Variants in DMXL1 observed in about 807,000 individuals in gnomAD.
The protein encoded by DMXL1 is dmX-like protein 1.
Under a neutral mutation model 319.2 loss-of-function variants are expected in DMXL1, and 99 were observed. That is an observed-to-expected ratio of 0.31 (90% confidence interval 0.26 to 0.37). The LOEUF (loss-of-function observed/expected upper bound fraction) is 0.37, where lower values mean the gene tolerates loss of function less well. Ranked by LOEUF, DMXL1 falls within the 10% of genes least tolerant of loss-of-function variation. The pLI is 1.00. For synonymous variants in DMXL1, 1,385 were observed against 1,235.2 expected (o/e 1.12, Z -2.54); for missense variants, 3,745 against 3,595.6 (o/e 1.04, Z -1.06).
At chr5:119,208,186 A>G (rs1782085401) in intron 34 of DMXL1, among the ~76,000 whole-genome samples, 2 of 146,554 alleles carry the variant, frequency 1.4e-5, no homozygotes, top group African/African-American at 2.5e-5. Context: ...ATGATTACTT[A>G]TTACTGTCTA....
chr5:119,155,831 A>C (rs1451235602), intron 19 of DMXL1, among the ~76,000 whole-genome samples: 2 of 151,700 alleles, frequency 1.3e-5, no homozygotes, highest in Admixed American at 6.6e-5. Context: ...TGTCTCAAAA[A>C]AAAAAAAAAA....
In DMXL1 at chr5:119,149,432, G is replaced by T. The variant is rs1769285366; in HGVS notation, c.3605G>T (p.Ser1202Ile). The change falls in exon 18 of 44, where the codon AGT becomes ATT. Residue 1202 changes from serine to isoleucine, a missense_variant. Transcript: ENST00000539542. ...VPLSKFVLLR[S>I]VDLVSSVDGS... ...CTTTCTAAATTTGTACTATTACGAA[G>T]TGTGGACCTAGTTTCTTCTGTAGAT... The T allele has an allele frequency of 6.8e-6, 11 of 1,613,942 alleles. No individual in the cohort carries two copies. In the East Asian group the frequency reaches 2.0e-4, roughly 29 times the overall value.
At chr5:119,231,585 C>T (rs752052116) in intron 38 of DMXL1, among the ~76,000 whole-genome samples, 1 of 152,112 alleles carries the variant, frequency 6.6e-6, no homozygotes, top group Non-Finnish European at 1.5e-5. Context: ...CCTTCATGTT[C>T]CTCTGCTGAG....
chr5:119,095,405 T>G (rs2149767930), intron 1 of DMXL1, among the ~76,000 whole-genome samples: 1 of 152,318 alleles, frequency 6.6e-6, no homozygotes, highest in South Asian at 2.1e-4. Context: ...ACTCTGCAAG[T>G]GTAATATTTG....
In DMXL1 at chr5:119,237,297, CTTTTAAATAT is replaced by C. The variant is rs1787935460; in HGVS notation, c.8467-21_8467-12del. 1 of 1,369,788 alleles carries C rather than the reference CTTTTAAATAT, an allele frequency of 7.3e-7. No individual in the cohort carries two copies. Among genetic ancestry groups the C allele is most frequent in the Non-Finnish European group, 1.0e-6 (1 of 971,386 alleles). 84.9% of individuals were successfully genotyped at this position (1,369,788 alleles called of 1,614,324 possible). ...TATGCTTTTATATTTATATTAAATA[CTTTTAAATAT>C]TTTCTTTCTCTAAGTTTGGAATAGT... On this transcript the variant is annotated splice_polypyrimidine_tract_variant and intron_variant, in intron 39 of 43. Transcript: ENST00000539542.
chr5:119,143,754 T>C lies in DMXL1; in HGVS notation c.2377-87T>C, dbSNP rs1490265966. 8.4e-6 allele frequency: 7 copies of C among 837,980 alleles called. No individual in the cohort carries two copies. In the African/African-American group the frequency reaches 1.3e-4, roughly 15 times the overall value. 51.9% of individuals were successfully genotyped at this position (837,980 alleles called of 1,614,324 possible). On this transcript the variant is annotated intron_variant, in intron 13 of 43. Transcript: ENST00000539542. ...TAGGCCCACTTGAATTTTATTGTTA[T>C]TTATCTGTTATGCTTGAAATTTTGT...
intron 34 of DMXL1, among the ~76,000 whole-genome samples, chr5:119,210,810 A>G (rs945010066): frequency 8.1e-5 from 11 of 135,492 alleles, no homozygotes; most frequent in Admixed American, 1.6e-4. Flanking sequence ...TTCCAGTCCA[A>G]TGTTGAATAG....
chr5:119,170,140 AAC>A, intron 23 of DMXL1, 48 bp from the exon 24 acceptor site: 1 of 1,523,398 alleles, frequency 6.6e-7, no homozygotes, highest in Non-Finnish European at 8.8e-7. Flanking sequence ...CTACAATAGA[AAC>A]ACACAGTTCA....
intron 1 of DMXL1, among the ~76,000 whole-genome samples, chr5:119,085,979 A>G (rs1292715487): frequency 6.6e-6 from 1 of 152,194 alleles, no homozygotes. Context: ...AAGGTGATAT[A>G]TCACGTTTAT....
intron 19 of DMXL1, 125 bp downstream of exon 19, chr5:119,152,161 C>T: frequency 1.6e-6 from 1 of 622,480 alleles, no homozygotes; most frequent in Non-Finnish European, 2.7e-6. Context: ...TTTAAGTTTC[C>T]TTTATTTGTT....
rs543499542 is a variant in DMXL1 at position 119,192,556 on chromosome 5, C to T, written c.7315-1272C>T. On this transcript the variant is annotated intron_variant, in intron 29 of 43. Transcript: ENST00000539542. ...TATAACTTTCTGACCCAGTTACACC[C>T]GTTAAAACTGATCTTGTTGAGATTC... Among the ~76,000 whole-genome samples, 6 of 152,290 alleles carry T rather than the reference C, an allele frequency of 3.9e-5. No individual in the cohort carries two copies. The East Asian group carries it at 5.8e-4, about 15-fold the overall frequency.
rs185863150 is a variant in DMXL1, at chr5:119,127,868, A to G, written c.1103-1343A>G. 1,636 of 344,434 alleles carry G rather than the reference A, an allele frequency of 4.7e-3. 10 individuals carry two copies. The highest frequency in any genetic ancestry group is 7.0e-3 in the Non-Finnish European group (1,199 of 170,628). 21.3% of individuals were successfully genotyped at this position (344,434 alleles called of 1,614,324 possible). A position where few individuals can be genotyped will look rare whatever the true frequency, so the allele number is the denominator to read the frequency against. Reference sequence around the variant, plus strand: ...CTATTGGCATTTCTCTGGTATCAGCATGTCTGCTTTGGCAATAAGTGGGAA... The same window carrying G: ...CTATTGGCATTTCTCTGGTATCAGCGTGTCTGCTTTGGCAATAAGTGGGAA... On this transcript the variant is annotated intron_variant, in intron 9 of 43. Coordinates refer to ENST00000539542, the MANE Select transcript of DMXL1 (RefSeq NM_001290321.3).
chr5:119,231,362 A>G (rs1449503627), intron 38 of DMXL1, among the ~76,000 whole-genome samples: 1 of 152,148 alleles, frequency 6.6e-6, no homozygotes, highest in African/African-American at 2.4e-5. Flanking sequence ...AATCTTATCT[A>G]CCTGAGGCCT....
At chr5:119,078,157 G>A (rs1268613372) in intron 1 of DMXL1, among the ~76,000 whole-genome samples, 1 of 152,078 alleles carries the variant, frequency 6.6e-6, no homozygotes, top group East Asian at 1.9e-4. Flanking sequence ...TTTAAAACAA[G>A]TTTTTAAAGA....
Position 119,133,970 on chromosome 5 carries a change from T to G in DMXL1, c.2046T>G (p.Ser682=). ...ATGCTCTAAATATTGAAGAATGCTC[T>G]TTGACACAACAAAATAAAAGCACTG... ...PFDALNIEEC[S]LTQQNKSTVD... Residue 682 remains serine, a synonymous_variant, in exon 12 of 44, where the codon TCT becomes TCG. Coordinates refer to ENST00000539542, the MANE Select transcript of DMXL1 (RefSeq NM_001290321.3). 6.2e-7 allele frequency: 1 copy of G among 1,614,234 alleles called. No homozygotes were observed. Among genetic ancestry groups the G allele is most frequent in the Non-Finnish European group, 8.5e-7 (1 of 1,180,044 alleles).
intron 34 of DMXL1, among the ~76,000 whole-genome samples, chr5:119,215,539 T>C (rs1034073153): frequency 6.6e-6 from 1 of 152,038 alleles, no homozygotes; most frequent in Non-Finnish European, 1.5e-5. Flanking sequence ...TTTTGTACTT[T>C]TCTCCATGTT....
At chr5:119,182,900 A>T (rs964442475) in intron 28 of DMXL1, among the ~76,000 whole-genome samples, 18 of 152,192 alleles carry the variant, frequency 1.2e-4, no homozygotes, top group African/African-American at 4.3e-4. Context: ...TTTTCTGCTA[A>T]CAGTTAGAAA....
chr5:119,163,048 A>G (rs931515587), intron 19 of DMXL1, among the ~76,000 whole-genome samples: 2 of 152,250 alleles, frequency 1.3e-5, no homozygotes, highest in Non-Finnish European at 2.9e-5. Context: ...AAGCTGAGCA[A>G]TAAACATGTG....
At chr5:119,136,614 G>A (rs530374870) in intron 13 of DMXL1, among the ~76,000 whole-genome samples, 12 of 152,402 alleles carry the variant, frequency 7.9e-5, no homozygotes, top group Non-Finnish European at 1.3e-4. Context: ...GGGCCCAGCT[G>A]CTCTGTGCAG....
Sources: allele counts gnomAD v4.1 joint callset (sites outside exome capture counted in the v4.1 genomes callset), GRCh38; gene constraint gnomAD v4.1.1; transcripts MANE v1.5; gene names NCBI Gene and HGNC (gene_info 2026-07-23, HGNC 2026-07-21).